BMPR1B: variants seen among roughly 807,000 people sequenced by gnomAD.
BMPR1B encodes the protein bone morphogenetic protein receptor type 1B, also known as bone morphogenetic protein receptor type-1B.
A neutral mutation model predicts 59.1 loss-of-function variants in BMPR1B; 12 were observed. The observed-to-expected ratio is 0.20, with a 90% CI of 0.13 to 0.33. The LOEUF (loss-of-function observed/expected upper bound fraction) is 0.33, where lower values mean the gene tolerates loss of function less well. Ranked by LOEUF, BMPR1B falls within the 10% of genes least tolerant of loss-of-function variation. The pLI, the probability that BMPR1B is intolerant of heterozygous loss-of-function variation, is 1.00. For synonymous variants in BMPR1B, 237 were observed against 207.3 expected, an observed-to-expected ratio of 1.14 and a Z score of -1.23; for missense variants, 550 against 610.9, an observed-to-expected ratio of 0.90 and a Z score of 1.05.
chr4:94,933,362 A>G (rs941190171), intron 2 of BMPR1B, among the ~76,000 whole-genome samples: 2 of 152,030 alleles, frequency 1.3e-5, no homozygotes, highest in Non-Finnish European at 2.9e-5. Flanking sequence ...ATATTAAATC[A>G]TTATCTTTTG....
intron 2 of BMPR1B, among the ~76,000 whole-genome samples, chr4:94,936,852 C>T (rs187563321): frequency 2.4e-4 from 37 of 152,144 alleles, no homozygotes; most frequent in South Asian, 1.5e-3. Flanking sequence ...CTCTGTGTCC[C>T]TTAGCGCAGA....
intron 2 of BMPR1B, among the ~76,000 whole-genome samples, chr4:94,973,443 A>C (rs1014278350): frequency 3.3e-5 from 5 of 152,150 alleles, no homozygotes; most frequent in African/African-American, 1.2e-4. Context: ...AGGGCGGATA[A>C]TCATCTTCCC....
At chr4:95,148,302 T>G (rs1734788105) in intron 10 of BMPR1B, among the ~76,000 whole-genome samples, 1 of 152,200 alleles carries the variant, frequency 6.6e-6, no homozygotes, top group South Asian at 2.1e-4. Flanking sequence ...AGAGGGTTTT[T>G]TTAGATATTT....
Position 94,838,599 on chromosome 4 carries a change from G to T in BMPR1B, c.-182-37232G>T, listed in dbSNP as rs1724918146. Among the ~76,000 whole-genome samples the T allele has an allele frequency of 1.4e-5, 2 of 140,380 alleles. 1 individual carries two copies. Among genetic ancestry groups the T allele is most frequent in the African/African-American group, 5.4e-5 (2 of 37,268 alleles). 92.1% of individuals were successfully genotyped at this position (140,380 alleles called of 152,430 possible). A position where few individuals can be genotyped will look rare whatever the true frequency, so the allele number is the denominator to read the frequency against. On this transcript the variant is annotated intron_variant, in intron 1 of 12. Coordinates refer to ENST00000515059, the MANE Select transcript of BMPR1B (RefSeq NM_001203.3). ...TAGTTTGTATTTCTGTTGGATCGGTGGTGATATCCCCTTTATCATTTTTTA... is the reference window on the plus strand; with the variant it reads ...TAGTTTGTATTTCTGTTGGATCGGTTGTGATATCCCCTTTATCATTTTTTA...
At chr4:94,979,173 A>G (rs1046967389) in intron 2 of BMPR1B, among the ~76,000 whole-genome samples, 2 of 152,184 alleles carry the variant, frequency 1.3e-5, no homozygotes, top group African/African-American at 4.8e-5. Context: ...TGAGAGCTAC[A>G]GTTCAAGATG....
At chr4:94,849,681 T>A (rs780669162) in intron 1 of BMPR1B, among the ~76,000 whole-genome samples, 1 of 151,718 alleles carries the variant, frequency 6.6e-6, no homozygotes. Flanking sequence ...TGGGCTCAGG[T>A]AGGTACACAG....
chr4:94,916,846 C>T (rs1728501431), intron 2 of BMPR1B, among the ~76,000 whole-genome samples: 1 of 152,230 alleles, frequency 6.6e-6, no homozygotes, highest in Non-Finnish European at 1.5e-5. Context: ...TTAGCCCCAG[C>T]CCTGGCCATC....
chr4:94,806,935 G>T (rs897555596), intron 1 of BMPR1B, among the ~76,000 whole-genome samples: 3 of 151,914 alleles, frequency 2.0e-5, no homozygotes, highest in African/African-American at 7.2e-5. Flanking sequence ...TCTTATTAAA[G>T]ATATTTTATT....
chr4:94,789,586 A>G (rs926392240), intron 1 of BMPR1B, among the ~76,000 whole-genome samples: 4 of 152,216 alleles, frequency 2.6e-5, no homozygotes, highest in African/African-American at 7.2e-5. Context: ...CATCATTTCC[A>G]TAGTCTAAAA....
chr4:94,878,560 ATTTT>A (rs966785552), intron 2 of BMPR1B, among the ~76,000 whole-genome samples: 2 of 151,822 alleles, frequency 1.3e-5, no homozygotes, highest in African/African-American at 4.8e-5. Flanking sequence ...GCGTCTCCTA[ATTTT>A]TTTTCTGAAA....
intron 3 of BMPR1B, among the ~76,000 whole-genome samples, chr4:95,018,347 T>C (rs1445800374): frequency 6.6e-6 from 1 of 152,190 alleles, no homozygotes; most frequent in East Asian, 1.9e-4. Flanking sequence ...GTTTTAAGAA[T>C]GAATAAATTG....
chr4:95,016,709 A>T (rs531338888), intron 3 of BMPR1B, among the ~76,000 whole-genome samples: 1 of 152,346 alleles, frequency 6.6e-6, no homozygotes, highest in Admixed American at 6.5e-5. Context: ...GGTCCAGGGC[A>T]AGAGTACAAA....
At chr4:94,840,185 G>A (rs1300563034) in intron 1 of BMPR1B, among the ~76,000 whole-genome samples, 2 of 147,784 alleles carry the variant, frequency 1.4e-5, no homozygotes, top group Non-Finnish European at 3.0e-5. Context: ...CTCTCTGGCT[G>A]CCCTTAACAT....
chr4:94,866,395 C>T (rs952085984), intron 1 of BMPR1B, among the ~76,000 whole-genome samples: 1 of 152,106 alleles, frequency 6.6e-6, no homozygotes, highest in Admixed American at 6.5e-5. Flanking sequence ...AAACAAGACT[C>T]TTTTCCAGTC....
chr4:95,013,640 A>C (rs1229332075), intron 3 of BMPR1B, among the ~76,000 whole-genome samples: 1 of 152,240 alleles, frequency 6.6e-6, no homozygotes, highest in Non-Finnish European at 1.5e-5. Context: ...CACTACTGAT[A>C]CATGGAATAG....
chr4:95,145,635 A>G (rs893014498), intron 10 of BMPR1B, among the ~76,000 whole-genome samples: 2 of 152,228 alleles, frequency 1.3e-5, no homozygotes, highest in African/African-American at 2.4e-5. Context: ...GAACAGGTAA[A>G]ATGATGCTAC....
At chr4:94,865,124 C>T (rs1424037460) in intron 1 of BMPR1B, among the ~76,000 whole-genome samples, 3 of 151,804 alleles carry the variant, frequency 2.0e-5, no homozygotes, top group Non-Finnish European at 4.4e-5. Context: ...ATTCTCCTGC[C>T]TCAGCCTCCC....
chr4:94,994,236 T>C (rs1412314576), intron 2 of BMPR1B, among the ~76,000 whole-genome samples: 1 of 152,182 alleles, frequency 6.6e-6, no homozygotes, highest in Admixed American at 6.5e-5. Context: ...ACCTTATTCC[T>C]TCTAGTTGGT....
intron 2 of BMPR1B, among the ~76,000 whole-genome samples, chr4:94,892,801 A>G (rs958740334): frequency 1.3e-5 from 2 of 152,040 alleles, no homozygotes; most frequent in East Asian, 3.9e-4. Context: ...ATCTTTTACA[A>G]TTTATTAGGT....
Sources: allele counts gnomAD v4.1 joint callset (sites outside exome capture counted in the v4.1 genomes callset), GRCh38; gene constraint gnomAD v4.1.1; transcripts MANE v1.5; gene names NCBI Gene and HGNC (gene_info 2026-07-23, HGNC 2026-07-21).